MTG2: variants seen among roughly 807,000 people sequenced by gnomAD.
The protein encoded by MTG2 is mitochondrial ribosome-associated GTPase 2.
MTG2 carries 23 observed loss-of-function variants against 28.6 expected under a neutral mutation model. The observed-to-expected ratio is 0.80, with a 90% confidence interval of 0.58 to 1.14. MTG2 has a LOEUF of 1.14. Ranked by LOEUF, MTG2 falls within the 50% of genes most tolerant of loss-of-function variation. The probability of loss-of-function intolerance (pLI) is 0.00; values close to 1 mark genes in which losing one functional copy is unlikely to be tolerated. For synonymous variants in MTG2, 260 were observed against 251.8 expected, an observed-to-expected ratio of 1.03 and a Z score of -0.31; for missense variants, 539 against 552.0, an observed-to-expected ratio of 0.98 and a Z score of 0.24.
At chr20:62,192,320 A>C (rs1472785080) in intron 1 of MTG2, among the ~76,000 whole-genome samples, 3 of 152,222 alleles carry the variant, frequency 2.0e-5, no homozygotes, top group African/African-American at 7.2e-5. Flanking sequence ...CCAGTTTACT[A>C]TAAAGGATGC....
At position 62,198,725 on chromosome 20, in the gene MTG2, C is replaced by T. The variant is rs1175830865; in HGVS notation, c.560C>T (p.Ala187Val). The change falls in exon 5 of 7, where the codon GCA becomes GTA. Residue 187 changes from alanine to valine, a missense_variant. Ala to Val is a moderately conservative substitution (Grantham distance 64). Coordinates refer to ENST00000370823, the MANE Select transcript of MTG2 (RefSeq NM_015666.4). The part of the protein sequence containing the change: ...GDEYIAALGG[A>V]GGKGNRFFLA... ...GAGTACATTGCCGCGCTGGGCGGGGCAGGAGGGAAAGGCAACCGCTTCTTC... is the reference window on the plus strand; with the variant it reads ...GAGTACATTGCCGCGCTGGGCGGGGTAGGAGGGAAAGGCAACCGCTTCTTC... 3.1e-6 allele frequency: 5 copies of T among 1,614,024 alleles called. No homozygotes were observed. The African/African-American group carries it at 5.3e-5, about 17-fold the overall frequency.
chr20:62,195,012 C>T (rs922482407), intron 2 of MTG2, among the ~76,000 whole-genome samples: 2 of 152,034 alleles, frequency 1.3e-5, no homozygotes, highest in African/African-American at 2.4e-5. Flanking sequence ...CTGGCCAACA[C>T]GGTGAAACCC....
intron 2 of MTG2, 130 bp downstream of exon 2, chr20:62,193,754 GCTT>G: frequency 1.1e-6 from 1 of 893,994 alleles, no homozygotes; most frequent in Non-Finnish European, 1.7e-6. Context: ...GGCACGTGGA[GCTT>G]CTTGAAAATG....
Position 62,195,950 on chromosome 20 carries a change from G to A in MTG2, c.352+1G>A, listed in dbSNP as rs757536169. The stretch of plus-strand genomic sequence containing the variant: ...AACGGTGGACACGTCATTCTGAGAG[G>A]CAGGTGCCCTGGGGCAGTGCAGCGG... On this transcript the variant is annotated splice_donor_variant, in intron 3 of 6. Coordinates refer to ENST00000370823, the MANE Select transcript of MTG2 (RefSeq NM_015666.4). LOFTEE classifies it high-confidence loss of function. 6.2e-7 allele frequency: 1 copy of A among 1,613,972 alleles called. No homozygotes were observed. The highest frequency in any genetic ancestry group is 1.1e-5 in the South Asian group (1 of 91,062).
chr20:62,186,517 CTT>C (rs573270385), intron 1 of MTG2, among the ~76,000 whole-genome samples: 3 of 127,496 alleles, frequency 2.4e-5, no homozygotes, highest in African/African-American at 5.7e-5. Flanking sequence ...TTCCCTGGGA[CTT>C]TTTTTTTTGT....
intron 1 of MTG2, among the ~76,000 whole-genome samples, chr20:62,186,167 CCT>C (rs1401902132): frequency 6.6e-6 from 1 of 152,136 alleles, no homozygotes; most frequent in African/African-American, 2.4e-5. Flanking sequence ...ATGCACCACC[CCT>C]GAGCCTTCCC....
At chr20:62,188,891 A>G (rs1282928134) in intron 1 of MTG2, 1 of 152,088 alleles carries the variant, frequency 6.6e-6, no homozygotes, top group Non-Finnish European at 1.5e-5. Flanking sequence ...GGTCTGTTTG[A>G]TGACTTCCAC....
chr20:62,188,815 C>T (rs911062675), intron 1 of MTG2: 5 of 151,822 alleles, frequency 3.3e-5, no homozygotes, highest in Admixed American at 6.6e-5. Context: ...GGTTTGTTGA[C>T]CCCACAGATA....
intron 1 of MTG2, among the ~76,000 whole-genome samples, chr20:62,186,103 C>T (rs1293692768): frequency 6.6e-6 from 1 of 152,156 alleles, no homozygotes; most frequent in East Asian, 1.9e-4. Context: ...GCAGGCTGAG[C>T]CGTGGCTATG....
intron 1 of MTG2, among the ~76,000 whole-genome samples, chr20:62,190,195 G>C (rs140223770): frequency 7.1e-4 from 108 of 152,252 alleles, no homozygotes; most frequent in African/African-American, 2.5e-3. Context: ...TTCACTGTCT[G>C]CTCAGAGTTC....
intron 1 of MTG2, among the ~76,000 whole-genome samples, chr20:62,188,418 C>T (rs1286119985): frequency 2.6e-5 from 4 of 152,078 alleles, no homozygotes; most frequent in African/African-American, 9.6e-5. Context: ...ACTGCAGCCT[C>T]CAACTCCTGG....
chr20:62,198,102 C>A, intron 4 of MTG2, 135 bp downstream of exon 4: 1 of 684,452 alleles, frequency 1.5e-6, no homozygotes, highest in Non-Finnish European at 2.5e-6. Flanking sequence ...GAAACGGAGG[C>A]TGGCAGACAG....
chr20:62,183,496 A>G (rs1601078804), intron 1 of MTG2, among the ~76,000 whole-genome samples: 2 of 152,396 alleles, frequency 1.3e-5, no homozygotes, highest in Admixed American at 6.5e-5. Context: ...ACATAAATAT[A>G]TACACATTTG....
In MTG2 at chr20:62,201,065, G is replaced by C. The variant is rs748754740; in HGVS notation, c.1209G>C (p.Pro403=). Residue 403 remains proline (P), a synonymous_variant, in exon 7 of 7, where the codon CCG becomes CCC. Transcript: ENST00000370823. ...AEAELGQGRQ[P]LRW is the part of the protein sequence containing the mutation. ...CCGAGCTGGGCCAGGGCCGCCAGCCGCTCAGGTGGTAGCCACGCCAGAGCG... is the reference window on the plus strand; with the variant it reads ...CCGAGCTGGGCCAGGGCCGCCAGCCCCTCAGGTGGTAGCCACGCCAGAGCG... The C allele has an allele frequency of 5.0e-6, 8 of 1,597,960 alleles. No homozygotes were observed. Among genetic ancestry groups the C allele is most frequent in the Non-Finnish European group, 6.8e-6 (8 of 1,173,092 alleles).
At chr20:62,184,086 C>T (rs916181785) in intron 1 of MTG2, among the ~76,000 whole-genome samples, 7 of 152,192 alleles carry the variant, frequency 4.6e-5, no homozygotes, top group East Asian at 3.9e-4. Flanking sequence ...CCGCTGGGCG[C>T]GGTGGCTCAC....
In MTG2 at chr20:62,195,859, G is replaced by A. The variant is rs1158069208; in HGVS notation, c.262G>A (p.Gly88Arg). ...TGTCTGTGGAGGAAACGGAGGCGCT[G>A]GGGCAAGCTGCTTCCACAGTGAGCC... ...VLVCGGNGGA[G>R]ASCFHSEPRK... The change falls in exon 3 of 7, where the codon GGG becomes AGG. Residue 88 changes from glycine to arginine, a missense_variant. By Grantham distance (125) the Gly-to-Arg change is moderately radical (BLOSUM62 -2). Coordinates refer to ENST00000370823, the MANE Select transcript of MTG2 (RefSeq NM_015666.4). The A allele has an allele frequency of 6.2e-7, 1 of 1,614,198 alleles. No homozygotes were observed. Among genetic ancestry groups the A allele is most frequent in the Non-Finnish European group, 8.5e-7 (1 of 1,180,034 alleles).
chr20:62,190,689 G>A (rs964671383), intron 1 of MTG2, among the ~76,000 whole-genome samples: 4 of 152,212 alleles, frequency 2.6e-5, no homozygotes, highest in Non-Finnish European at 4.4e-5. Flanking sequence ...GAAGAAGGAC[G>A]CTCTTGGGAA....
intron 1 of MTG2, among the ~76,000 whole-genome samples, chr20:62,188,029 G>C (rs546489097): frequency 8.7e-4 from 132 of 151,676 alleles, no homozygotes; most frequent in African/African-American, 3.1e-3. Context: ...TACTCGGGAG[G>C]CTGAGGCAGG....
intron 2 of MTG2, 29 bp downstream of exon 2, chr20:62,193,653 C>G: frequency 6.4e-7 from 1 of 1,573,442 alleles, no homozygotes; most frequent in Non-Finnish European, 8.6e-7. Context: ...GAGCAGCTTG[C>G]CTGTCTCCTC....
Sources: gnomAD v4.1 joint callset for allele counts (sites outside exome capture counted in the v4.1 genomes callset) on GRCh38, gnomAD v4.1.1 for gene constraint, MANE v1.5 for transcripts, NCBI Gene and HGNC (gene_info 2026-07-23, HGNC 2026-07-21) for gene names.